Variants in SPIDR observed in about 807,000 individuals in gnomAD.
The protein encoded by SPIDR is scaffold protein involved in DNA repair.
SPIDR carries 93 observed loss-of-function variants against 104.6 expected under a neutral mutation model. That is an observed-to-expected ratio of 0.89 (90% CI 0.75 to 1.06). The LOEUF (loss-of-function observed/expected upper bound fraction) is 1.06. SPIDR is among the 50% of genes least tolerant of loss of function. The probability of loss-of-function intolerance (pLI) is 0.00; values close to 1 mark genes in which losing one functional copy is unlikely to be tolerated. For synonymous variants in SPIDR, 431 were observed against 416.9 expected, an observed-to-expected ratio of 1.03 and a Z score of -0.41; for missense variants, 1,154 against 1,111.2, an observed-to-expected ratio of 1.04 and a Z score of -0.55.
At chr8:47,464,652 TGTCTA>T (rs1435748001) in intron 8 of SPIDR, among the ~76,000 whole-genome samples, 4 of 150,304 alleles carry the variant, frequency 2.7e-5, no homozygotes, top group Non-Finnish European at 1.5e-5. Flanking sequence ...CCTTTTGTCT[TGTCTA>T]GTCCTGTCCT....
intron 10 of SPIDR, among the ~76,000 whole-genome samples, chr8:47,654,729 T>TC (rs2072389450): frequency 6.6e-6 from 1 of 152,198 alleles, no homozygotes; most frequent in Non-Finnish European, 1.5e-5. Context: ...ATATATATGT[T>TC]CTTTTTTTAT....
At chr8:47,449,436 A>G (rs1298053217) in intron 8 of SPIDR, among the ~76,000 whole-genome samples, 2 of 152,184 alleles carry the variant, frequency 1.3e-5, no homozygotes, top group Non-Finnish European at 2.9e-5. Flanking sequence ...TAATTGGTAG[A>G]GGACAGAGGT....
intron 10 of SPIDR, among the ~76,000 whole-genome samples, chr8:47,604,252 A>C (rs976140506): frequency 6.6e-6 from 1 of 152,196 alleles, no homozygotes; most frequent in Non-Finnish European, 1.5e-5. Flanking sequence ...ATGAAAGAGA[A>C]TTGCTCACAG....
At position 47,729,067 on chromosome 8, in the gene SPIDR, A is replaced by T. The variant is rs748767866; in HGVS notation, c.2550+20A>T. Reference sequence around the variant, plus strand: ...GTCAAGGTAGGAGCCAGGCCAGAGCACGCACGCACTCCTAGCTCACTCCAA... The same window carrying T: ...GTCAAGGTAGGAGCCAGGCCAGAGCTCGCACGCACTCCTAGCTCACTCCAA... On this transcript the variant is annotated intron_variant, in intron 18 of 19. Coordinates refer to ENST00000297423, the MANE Select transcript of SPIDR (RefSeq NM_001080394.4). 4.3e-6 allele frequency: 7 copies of T among 1,612,832 alleles called. No homozygotes were observed. The South Asian group carries it at 5.5e-5, about 13-fold the overall frequency.
Position 47,354,340 on chromosome 8 carries a change from C to CT in SPIDR, c.526-42024dup, listed in dbSNP as rs11294456. The stretch of plus-strand genomic sequence containing the variant: ...TCAGTTTCTTTATTTCGTTTGCCAT[C>CT]TTTTTTTTTTTTCAGCCACAGAAGT... On this transcript the variant is annotated intron_variant, in intron 5 of 19. Transcript: ENST00000297423. 8.2e-4 allele frequency among the ~76,000 whole-genome samples: 117 copies of CT among 142,822 alleles called. 4 individuals are homozygous for CT. The highest frequency in any genetic ancestry group is 6.3e-3 in the East Asian group (31 of 4,928). The allele number at this position is 142,822 out of a possible 152,430, so 93.7% of individuals were successfully genotyped here. A position where few individuals can be genotyped will look rare whatever the true frequency, so the allele number is the denominator to read the frequency against.
At chr8:47,511,841 T>A (rs1198008747) in intron 8 of SPIDR, 2 of 874,278 alleles carry the variant, frequency 2.3e-6, no homozygotes, top group African/African-American at 3.3e-5. Flanking sequence ...TGCTGTCCAC[T>A]TCTCTCTGAG....
chr8:47,608,968 C>T (rs2063307081), intron 10 of SPIDR, among the ~76,000 whole-genome samples: 2 of 152,258 alleles, frequency 1.3e-5, no homozygotes, highest in African/African-American at 4.8e-5. Context: ...ACCTCATCAT[C>T]TGCCTGCCTC....
At chr8:47,564,674 C>T (rs1248621290) in intron 8 of SPIDR, among the ~76,000 whole-genome samples, 4 of 147,830 alleles carry the variant, frequency 2.7e-5, no homozygotes, top group Non-Finnish European at 5.9e-5. Context: ...AGCAAGATTC[C>T]GTCTCCAAAA....
rs533100606 is a variant in SPIDR at position 47,636,992 on chromosome 8, C to T, written c.1545-36809C>T. Among the ~76,000 whole-genome samples the T allele has an allele frequency of 1.2e-4, 18 of 152,282 alleles. No individual in the cohort carries two copies. In the South Asian group the frequency reaches 3.7e-3, roughly 32 times the overall value. On this transcript the variant is annotated intron_variant, in intron 10 of 19. Transcript: ENST00000297423. ...GGTGAGGGGTCCTGGAATTGACAGA[C>T]ATTCACCATTGTCTTCGTAGACTCA... is the stretch of plus-strand genomic sequence containing the variant.
At chr8:47,362,593 AAAAAC>A (rs2154290175) in intron 5 of SPIDR, among the ~76,000 whole-genome samples, 1 of 152,354 alleles carries the variant, frequency 6.6e-6, no homozygotes, top group Non-Finnish European at 1.5e-5. Flanking sequence ...TGTAAAGAGA[AAAAAC>A]AAAAAAATGT....
intron 11 of SPIDR, among the ~76,000 whole-genome samples, chr8:47,681,149 A>T (rs770631219): frequency 1.3e-5 from 2 of 152,264 alleles, no homozygotes; most frequent in Non-Finnish European, 2.9e-5. Flanking sequence ...CTACCTGAGC[A>T]GCATGCTGTT....
At chr8:47,573,808 T>C (rs143337856) in intron 8 of SPIDR, among the ~76,000 whole-genome samples, 8 of 152,344 alleles carry the variant, frequency 5.3e-5, no homozygotes, top group Non-Finnish European at 1.0e-4. Context: ...ATTATTTTGA[T>C]GTTAGCATAT....
chr8:47,628,906 C>T (rs2066616378), intron 10 of SPIDR, among the ~76,000 whole-genome samples: 2 of 152,186 alleles, frequency 1.3e-5, no homozygotes, highest in South Asian at 4.1e-4. Context: ...CTGTAGGGCT[C>T]AGCTACTTTC....
At chr8:47,733,119 GC>G (rs749368092) in intron 19 of SPIDR, among the ~76,000 whole-genome samples, 41 of 152,366 alleles carry the variant, frequency 2.7e-4, no homozygotes, top group Non-Finnish European at 2.9e-5. Flanking sequence ...GGACACAGTG[GC>G]TGATGCCTGT....
chr8:47,495,993 A>G (rs976015628), intron 8 of SPIDR, among the ~76,000 whole-genome samples: 2 of 152,294 alleles, frequency 1.3e-5, no homozygotes, highest in South Asian at 2.1e-4. Flanking sequence ...TTGTCTGATC[A>G]TATAGAAATA....
At chr8:47,659,757 G>C (rs1396276340) in intron 10 of SPIDR, 3 of 981,804 alleles carry the variant, frequency 3.1e-6, no homozygotes, top group East Asian at 2.3e-4. Flanking sequence ...TTCATCCTCT[G>C]ATTTCTTGGT....
intron 8 of SPIDR, among the ~76,000 whole-genome samples, chr8:47,462,121 ACT>A (rs1180112305): frequency 6.6e-6 from 1 of 151,688 alleles, no homozygotes; most frequent in East Asian, 1.9e-4. Context: ...TTGATGTAGT[ACT>A]CTCTGCCTTT....
At chr8:47,611,834 C>T (rs567845123) in intron 10 of SPIDR, among the ~76,000 whole-genome samples, 49 of 152,228 alleles carry the variant, frequency 3.2e-4, no homozygotes, top group Non-Finnish European at 6.2e-4. Context: ...TAAAATATGA[C>T]ATTTAACATT....
At chr8:47,511,602 A>C in intron 8 of SPIDR, 3 of 787,094 alleles carry the variant, frequency 3.8e-6, no homozygotes, top group Non-Finnish European at 7.0e-6. Flanking sequence ...TCAGTACTAC[A>C]TGAACATCTT....
Sources: allele counts gnomAD v4.1 joint callset (sites outside exome capture counted in the v4.1 genomes callset), GRCh38; gene constraint gnomAD v4.1.1; transcripts MANE v1.5; gene names NCBI Gene and HGNC (gene_info 2026-07-23, HGNC 2026-07-21).